The following IFIH1 variants were observed in gnomAD, a reference collection of about 807,000 sequenced individuals.
The protein encoded by IFIH1 is interferon-induced helicase C domain-containing protein 1.
IFIH1 carries 125 observed loss-of-function variants against 107.4 expected under a neutral mutation model. The observed-to-expected ratio is 1.16, with a 90% CI of 1.01 to 1.35. IFIH1 has a LOEUF of 1.35. Among genes scored for constraint, IFIH1 ranks in the 40% most tolerant of loss-of-function variants. The pLI, the probability that IFIH1 is intolerant of heterozygous loss-of-function variation, is 0.00. For synonymous variants in IFIH1, 458 were observed against 413.2 expected (o/e 1.11, Z -1.31); for missense variants, 1,333 against 1,213.7 (o/e 1.10, Z -1.46).
intron 4 of IFIH1, among the ~76,000 whole-genome samples, chr2:162,293,351 G>A (rs1683030287): frequency 1.3e-5 from 2 of 151,712 alleles, no homozygotes; most frequent in Admixed American, 6.6e-5. Context: ...AGAAAGATAT[G>A]TACTGGATCA....
chr2:162,267,907 C>T (rs911500070), intron 14 of IFIH1, among the ~76,000 whole-genome samples, 180 bp downstream of exon 14: 2 of 152,218 alleles, frequency 1.3e-5, no homozygotes, highest in African/African-American at 4.8e-5. Context: ...TTCTCTTTTC[C>T]TGCCCCAGTG....
At chr2:162,278,571 T>C (rs1682749321) in intron 8 of IFIH1, among the ~76,000 whole-genome samples, 1 of 152,102 alleles carries the variant, frequency 6.6e-6, no homozygotes, top group African/African-American at 2.4e-5. Context: ...ACTTAAAAGG[T>C]TAACAAAAGT....
chr2:162,296,943 G>T (rs886977270), intron 3 of IFIH1, among the ~76,000 whole-genome samples: 3 of 152,034 alleles, frequency 2.0e-5, no homozygotes, highest in Non-Finnish European at 4.4e-5. Context: ...CATTTTAAGG[G>T]TATATAAATC....
At chr2:162,279,110 A>G (rs914122809) in intron 8 of IFIH1, among the ~76,000 whole-genome samples, 1 of 152,144 alleles carries the variant, frequency 6.6e-6, no homozygotes, top group Non-Finnish European at 1.5e-5. Flanking sequence ...AAAAATCTTT[A>G]TGAGTAGAAA....
chr2:162,280,008 A>G lies in IFIH1; in HGVS notation c.1629T>C (p.Asp543=). The G allele has an allele frequency of 1.9e-6, 3 of 1,582,262 alleles. No individual in the cohort carries two copies. The highest frequency in any genetic ancestry group is 1.7e-6 in the Non-Finnish European group (2 of 1,151,422). The change falls in exon 8 of 16, where the codon GAT becomes GAC. Residue 543 remains aspartate, a synonymous_variant. Coordinates refer to ENST00000649979, the MANE Select transcript of IFIH1 (RefSeq NM_022168.4). The part of the protein sequence containing the change: ...QEPCKKFAIA[D]ATREDPFKEK... Reference sequence around the variant, plus strand: ...ATTAAGCCCATACTTCTCTGGTTGCATCTGCAATGGCAAACTTCTTGCATG... The same window carrying G: ...ATTAAGCCCATACTTCTCTGGTTGCGTCTGCAATGGCAAACTTCTTGCATG...
intron 13 of IFIH1, among the ~76,000 whole-genome samples, chr2:162,271,874 C>CTGATTTA (rs1297240987): frequency 6.6e-6 from 1 of 152,146 alleles, no homozygotes; most frequent in Non-Finnish European, 1.5e-5. Context: ...GTTTCATCTA[C>CTGATTTA]ATTTCTGAAA....
chr2:162,305,447 G>A (rs573069253), intron 3 of IFIH1, among the ~76,000 whole-genome samples: 82 of 152,206 alleles, frequency 5.4e-4, no homozygotes, highest in African/African-American at 1.9e-3. Flanking sequence ...GTGGGTGCCT[G>A]TAATCCCAGC....
At position 162,312,413 on chromosome 2, in the gene IFIH1, G is replaced by A. The variant is rs555536525; in HGVS notation, c.454-1480C>T. Among the ~76,000 whole-genome samples, 10 of 152,222 alleles carry A rather than the reference G, an allele frequency of 6.6e-5. No individual in the cohort carries two copies. The South Asian group carries it at 1.7e-3, about 25-fold the overall frequency. On this transcript the variant is annotated intron_variant, in intron 1 of 15. Coordinates refer to ENST00000649979, the MANE Select transcript of IFIH1 (RefSeq NM_022168.4). ...TAACTCATTTACAGATCAGAAATCC[G>A]AGGCACAGAGATGTTTAGGTACCTC...
At chr2:162,281,275 T>C in intron 7 of IFIH1, 53 bp downstream of exon 7, 2 of 1,382,918 alleles carry the variant, frequency 1.4e-6, no homozygotes, top group South Asian at 1.2e-5. Context: ...CAAGAAGTCC[T>C]GGCATTTGTT....
At chr2:162,310,631 T>C in intron 2 of IFIH1, 134 bp downstream of exon 2, 1 of 658,290 alleles carries the variant, frequency 1.5e-6, no homozygotes, top group African/African-American at 1.8e-5. Flanking sequence ...AAATAGATGA[T>C]CTATCACATA....
Position 162,282,500 on chromosome 2 carries a change from C to T in IFIH1, c.1172G>A (p.Ser391Asn). Residue 391 changes from serine (S) to asparagine (N), a missense_variant, in exon 6 of 16, where the codon AGT (serine) becomes AAT (asparagine). Ser to Asn is a conservative substitution (Grantham distance 46, BLOSUM62 1). Transcript: ENST00000649979. ...TGATATTTTCAGTTGGGTATCACCACTTAATCCAATAACACGATACCATTT... is the reference window on the plus strand; with the variant it reads ...TGATATTTTCAGTTGGGTATCACCATTTAATCCAATAACACGATACCATTT... ...LKKWYRVIGL[S>N]GDTQLKISFP... 6.2e-7 allele frequency: 1 copy of T among 1,611,804 alleles called. No homozygotes were observed. The highest frequency in any genetic ancestry group is 8.5e-7 in the Non-Finnish European group (1 of 1,178,630).
chr2:162,277,442 CT>C lies in IFIH1; in HGVS notation c.2016del (p.Asp673IlefsTer5), dbSNP rs773033563. 317 of 1,609,020 alleles carry C rather than the reference CT, an allele frequency of 2.0e-4. No homozygotes were observed. In the Middle Eastern group the frequency reaches 2.3e-3, roughly 12 times the overall value. ...AAAAATAAAGTCATGAGAAATCTAT[CT>C]GTTTCATCCAGTTTCAAAGGTTTCT... The part of the protein sequence containing the change: ...DLKKPLKLDE[T>X]DRFLMTLFFE... On this transcript the variant is annotated frameshift_variant, in exon 10 of 16. Coordinates refer to ENST00000649979, the MANE Select transcript of IFIH1 (RefSeq NM_022168.4). LOFTEE classifies it high-confidence loss of function.
At chr2:162,274,024 T>G (rs1340613822) in intron 11 of IFIH1, 80 bp from the exon 12 acceptor site, 6 of 937,376 alleles carry the variant, frequency 6.4e-6, no homozygotes, top group Middle Eastern at 2.4e-4. Flanking sequence ...AAATAATAAA[T>G]TGCAACTGGT....
chr2:162,275,201 G>C (rs1691128922), intron 11 of IFIH1, among the ~76,000 whole-genome samples: 1 of 152,156 alleles, frequency 6.6e-6, no homozygotes, highest in Non-Finnish European at 1.5e-5. Context: ...GGGAAGGAAG[G>C]GAATATGTTC....
chr2:162,271,507 A>AATGACAAGT (rs1169206036), intron 13 of IFIH1, among the ~76,000 whole-genome samples: 1 of 152,116 alleles, frequency 6.6e-6, no homozygotes, highest in Non-Finnish European at 1.5e-5. Context: ...ACCTAATGTA[A>AATGACAAGT]ATGACAAGTA....
At chr2:162,300,703 A>G (rs1683177931) in intron 3 of IFIH1, among the ~76,000 whole-genome samples, 1 of 152,224 alleles carries the variant, frequency 6.6e-6, no homozygotes, top group Non-Finnish European at 1.5e-5. Context: ...TAAAAAGTAA[A>G]GGAGTGCTCT....
intron 1 of IFIH1, 70 bp from the exon 2 acceptor site, chr2:162,311,003 C>A: frequency 1.6e-6 from 2 of 1,232,168 alleles, no homozygotes; most frequent in Non-Finnish European, 2.3e-6. Flanking sequence ...AGGAAATACC[C>A]TTTAGAAAAA....
At position 162,291,568 on chromosome 2, in the gene IFIH1, T is replaced by C. The variant is rs1682997705; in HGVS notation, c.874+1996A>G. 3.3e-5 allele frequency among the ~76,000 whole-genome samples: 5 copies of C among 151,800 alleles called. No individual in the cohort carries two copies. The South Asian group carries it at 1.0e-3, about 31-fold the overall frequency. ...AAAGTACCGGTAATCATGTCTACTA[T>C]GGCATAACACTTCCACAAAGGAATA... On this transcript the variant is annotated intron_variant, in intron 4 of 15. Transcript: ENST00000649979.
At chr2:162,310,449 C>A in intron 2 of IFIH1, 1 of 425,828 alleles carries the variant, frequency 2.3e-6, no homozygotes, top group South Asian at 5.8e-5. Flanking sequence ...CACTAAAATA[C>A]TTTCTTCCAA....
Sources: allele counts gnomAD v4.1 joint callset (sites outside exome capture counted in the v4.1 genomes callset), GRCh38; gene constraint gnomAD v4.1.1; transcripts MANE v1.5; gene names NCBI Gene and HGNC (gene_info 2026-07-23, HGNC 2026-07-21).